UBE2D4: variants seen among roughly 807,000 people sequenced by gnomAD.
UBE2D4 encodes the protein ubiquitin conjugating enzyme E2 D4.
Under a neutral mutation model 23.0 loss-of-function variants are expected in UBE2D4, and 17 were observed. The observed-to-expected ratio is 0.74, with a 90% confidence interval of 0.51 to 1.11. UBE2D4 has a LOEUF of 1.11. Among genes scored for constraint, UBE2D4 ranks in the 50% least tolerant of loss-of-function variants. The pLI is 0.00. For missense variants in UBE2D4, 139 were observed against 181.8 expected, an observed-to-expected ratio of 0.76 and a Z score of 1.35; for synonymous variants, 61 against 69.4, an observed-to-expected ratio of 0.88 and a Z score of 0.60.
intron 2 of UBE2D4, among the ~76,000 whole-genome samples, chr7:43,939,310 C>G (rs1470376138): frequency 1.3e-5 from 2 of 152,250 alleles, no homozygotes; most frequent in Non-Finnish European, 2.9e-5. Flanking sequence ...GAAGCAGCAG[C>G]TCTGGGCAGC....
At chr7:43,942,677 G>A in intron 2 of UBE2D4, 149 bp from the exon 3 acceptor site, 1 of 1,038,816 alleles carries the variant, frequency 9.6e-7, no homozygotes, top group Non-Finnish European at 1.5e-6. Context: ...TGCATCTTGG[G>A]TGGTTTGGGG....
chr7:43,947,064 T>C (rs1472460861), intron 4 of UBE2D4: 1 of 151,952 alleles, frequency 6.6e-6, no homozygotes, highest in African/African-American at 2.4e-5. Flanking sequence ...GTATGTGATG[T>C]TCCCCGCCCT....
chr7:43,933,828 G>T (rs1393589642), intron 1 of UBE2D4, among the ~76,000 whole-genome samples: 2 of 152,088 alleles, frequency 1.3e-5, no homozygotes, highest in South Asian at 4.1e-4. Flanking sequence ...TTTTTCAAAT[G>T]TTCACGTCTC....
At chr7:43,930,841 T>C (rs1469819196) in intron 1 of UBE2D4, among the ~76,000 whole-genome samples, 1 of 152,072 alleles carries the variant, frequency 6.6e-6, no homozygotes, top group Admixed American at 6.6e-5. Context: ...TGCATTGCTG[T>C]TAGGAAATAC....
intron 4 of UBE2D4, chr7:43,943,355 G>C: frequency 2.3e-6 from 1 of 429,468 alleles, no homozygotes; most frequent in Non-Finnish European, 4.2e-6. Flanking sequence ...AGTTAGGACA[G>C]GGGTTCTCAG....
At chr7:43,949,025 C>G (rs1455358827) in intron 5 of UBE2D4, 1 of 437,142 alleles carries the variant, frequency 2.3e-6, no homozygotes, top group Non-Finnish European at 4.1e-6. Context: ...TTTTTTTATC[C>G]AAAAATAAGA....
Position 43,935,557 on chromosome 7 carries a change from G to A in UBE2D4, c.25-2874G>A, listed in dbSNP as rs2095956600. Among the ~76,000 whole-genome samples, 4 of 152,064 alleles carry A rather than the reference G, an allele frequency of 2.6e-5. No homozygotes were observed. The South Asian group carries it at 8.3e-4, about 31-fold the overall frequency. On this transcript the variant is annotated intron_variant, in intron 1 of 6. Coordinates refer to ENST00000222402, the MANE Select transcript of UBE2D4 (RefSeq NM_015983.4). ...CAATATAAAGGGCCCCAGAGGCCAAGGAAATTGAAGAGAAGTCAGAAGAAG... is the reference window on the plus strand; with the variant it reads ...CAATATAAAGGGCCCCAGAGGCCAAAGAAATTGAAGAGAAGTCAGAAGAAG...
chr7:43,943,702 G>C (rs2095978789), intron 4 of UBE2D4: 1 of 153,464 alleles, frequency 6.5e-6, no homozygotes, highest in African/African-American at 2.4e-5. Flanking sequence ...GCCACCAAAG[G>C]GAAGGAGAAG....
intron 2 of UBE2D4, 71 bp from the exon 3 acceptor site, chr7:43,942,755 A>T: frequency 1.2e-6 from 2 of 1,600,992 alleles, no homozygotes; most frequent in Non-Finnish European, 1.7e-6. Flanking sequence ...GTAATTTAGC[A>T]GTGCGTTTTC....
At chr7:43,952,566 A>C in intron 6 of UBE2D4, 84 bp from the exon 7 acceptor site, 1 of 1,218,080 alleles carries the variant, frequency 8.2e-7, no homozygotes, top group South Asian at 1.2e-5. Flanking sequence ...AGCATTCCCC[A>C]CATCAGTCCT....
In UBE2D4 at chr7:43,950,645, C is replaced by A. The variant is rs763477498; in HGVS notation, c.351C>A (p.Asp117Glu). Residue 117 changes from aspartate (D) to glutamate (E), a missense_variant, in exon 6 of 7, where the codon GAC becomes GAA. Transcript: ENST00000222402. ...TGCTCTGCGACCCCAACCCCGATGA[C>A]CCCCTGGTGCCAGAGATAGCACACA... Reference protein sequence around the residue: ...CSLLCDPNPDDPLVPEIAHTY... With the variant: ...CSLLCDPNPDEPLVPEIAHTY... 1 of 1,614,172 alleles carries A rather than the reference C, an allele frequency of 6.2e-7. No homozygotes were observed.
At chr7:43,933,011 T>TAC (rs1449576054) in intron 1 of UBE2D4, among the ~76,000 whole-genome samples, 25 of 116,298 alleles carry the variant, frequency 2.1e-4, no homozygotes, top group African/African-American at 2.8e-4. Flanking sequence ...TATATATATA[T>TAC]ATACACACAC....
intron 4 of UBE2D4, among the ~76,000 whole-genome samples, chr7:43,946,682 T>C (rs1332507697): frequency 6.6e-6 from 1 of 152,230 alleles, no homozygotes. Context: ...ATATATAACA[T>C]TAATTTAACC....
intron 1 of UBE2D4, among the ~76,000 whole-genome samples, chr7:43,936,813 A>G (rs1024401976): frequency 1.3e-5 from 2 of 152,232 alleles, no homozygotes; most frequent in Non-Finnish European, 2.9e-5. Flanking sequence ...GGCAAGTATG[A>G]TTACAACTTA....
intron 4 of UBE2D4, among the ~76,000 whole-genome samples, chr7:43,945,968 G>A (rs150521267): frequency 6.6e-6 from 1 of 151,822 alleles, no homozygotes; most frequent in African/African-American, 2.4e-5. Context: ...ATTTTTAGTA[G>A]AGACGAGGTT....
rs2095982245 is a variant in UBE2D4, at chr7:43,944,966, A to G, written c.198+1935A>G. 6.6e-6 allele frequency: 1 copy of G among 152,118 alleles called. No homozygotes were observed. The highest frequency in any genetic ancestry group is 2.4e-5 in the African/African-American group (1 of 41,436). 9.4% of individuals were successfully genotyped at this position (152,118 alleles called of 1,614,324 possible). On this transcript the variant is annotated intron_variant, in intron 4 of 6. Transcript: ENST00000222402. This position sits in a 1 kb window ranked among gnomAD's most constrained non-coding sequence, Gnocchi z 4.0. ...CTAATTGCCTAAGGACAAAGGAGAAACAGTGATTATTATTATTATTTTTTA... is the reference window on the plus strand; with the variant it reads ...CTAATTGCCTAAGGACAAAGGAGAAGCAGTGATTATTATTATTATTTTTTA...
intron 1 of UBE2D4, among the ~76,000 whole-genome samples, chr7:43,937,650 C>T (rs1199826835): frequency 1.3e-5 from 2 of 152,134 alleles, no homozygotes; most frequent in African/African-American, 2.4e-5. Context: ...TCCATCTTGG[C>T]TGATTAAATT....
intron 1 of UBE2D4, among the ~76,000 whole-genome samples, chr7:43,937,610 G>A (rs1404932028): frequency 6.6e-6 from 1 of 152,208 alleles, no homozygotes; most frequent in African/African-American, 2.4e-5. Context: ...CTGATTTGTA[G>A]CATTTGCTGG....
Position 43,931,618 on chromosome 7 carries a change from C to CGG in UBE2D4, c.24+5069_24+5070dup, listed in dbSNP as rs371336269. The stretch of plus-strand genomic sequence containing the variant: ...TGGAAGGCAAACCGGGGTGGGGGGG[C>CGG]GGGGGGGGTGGCAGAGCAGGCATGT... On this transcript the variant is annotated intron_variant, in intron 1 of 6. Coordinates refer to ENST00000222402, the MANE Select transcript of UBE2D4 (RefSeq NM_015983.4). 4.9e-3 allele frequency among the ~76,000 whole-genome samples: 275 copies of CGG among 55,984 alleles called. 3 individuals carry two copies. The highest frequency in any genetic ancestry group is 9.8e-3 in the Middle Eastern group (1 of 102). The allele number at this position is 55,984 out of a possible 152,430, so 36.7% of individuals were successfully genotyped here.
Sources: gnomAD v4.1 joint callset for allele counts (sites outside exome capture counted in the v4.1 genomes callset) on GRCh38, gnomAD v4.1.1 for gene constraint, Gnocchi (gnomAD v3.1) non-coding constraint, MANE v1.5 for transcripts, NCBI Gene and HGNC (gene_info 2026-07-23, HGNC 2026-07-21) for gene names.